OSBP2: variants seen among roughly 807,000 people sequenced by gnomAD.
The protein encoded by OSBP2 is oxysterol-binding protein 2.
OSBP2 carries 66 observed loss-of-function variants against 96.0 expected under a neutral mutation model. The ratio of observed to expected loss-of-function variants is 0.69; its 90% CI spans 0.56 to 0.84. OSBP2 has a LOEUF of 0.84. Among genes scored for constraint, OSBP2 ranks in the 40% least tolerant of loss-of-function variants. The pLI is 0.00. For missense variants in OSBP2, 1,038 were observed against 1,222.7 expected (o/e 0.85, Z 2.25); for synonymous variants, 525 against 520.9 (o/e 1.01, Z -0.11).
chr22:30,728,312 G>A (rs2089686925), intron 1 of OSBP2, among the ~76,000 whole-genome samples: 1 of 151,082 alleles, frequency 6.6e-6, no homozygotes, highest in Non-Finnish European at 1.5e-5. Context: ...GGAGAATGGC[G>A]TGAACCTGGG....
intron 8 of OSBP2, among the ~76,000 whole-genome samples, chr22:30,892,867 C>T (rs1009144164): frequency 2.6e-5 from 4 of 152,168 alleles, no homozygotes; most frequent in Non-Finnish European, 5.9e-5. Context: ...TGAGGTCCAC[C>T]ATCACCCCTA....
chr22:30,857,570 A>G (rs1178203386), intron 2 of OSBP2, among the ~76,000 whole-genome samples: 2 of 152,064 alleles, frequency 1.3e-5, no homozygotes, highest in African/African-American at 2.4e-5. Flanking sequence ...TTATTTTTCT[A>G]CCTCGAACAT....
chr22:30,807,512 A>G (rs2090945111), intron 2 of OSBP2, among the ~76,000 whole-genome samples: 1 of 151,892 alleles, frequency 6.6e-6, no homozygotes, highest in East Asian at 1.9e-4. Flanking sequence ...CTGGCCCACT[A>G]CCACCTCCAG....
chr22:30,754,867 A>G (rs2090121883), intron 2 of OSBP2, among the ~76,000 whole-genome samples: 1 of 152,078 alleles, frequency 6.6e-6, no homozygotes, highest in Admixed American at 6.6e-5. Context: ...GCCCCATCTC[A>G]AAGCCTCCCA....
chr22:30,794,324 C>T (rs1049703908), intron 2 of OSBP2, among the ~76,000 whole-genome samples: 7 of 147,800 alleles, frequency 4.7e-5, no homozygotes, highest in Admixed American at 6.8e-5. Flanking sequence ...TGCAGTGGCA[C>T]GATCTCGACT....
chr22:30,722,787 C>CTTTT (rs34874706), intron 1 of OSBP2, among the ~76,000 whole-genome samples: 1 of 95,892 alleles, frequency 1.0e-5, no homozygotes, highest in African/African-American at 4.1e-5. Context: ...CTCTCTCTGT[C>CTTTT]TTTTTTTTTT....
intron 2 of OSBP2, among the ~76,000 whole-genome samples, chr22:30,816,574 G>T (rs781586953): frequency 6.6e-6 from 1 of 152,200 alleles, no homozygotes; most frequent in Non-Finnish European, 1.5e-5. Flanking sequence ...CCCCGTGCTG[G>T]CTCCAGGGCA....
intron 1 of OSBP2, among the ~76,000 whole-genome samples, chr22:30,699,133 C>T (rs1240506984): frequency 6.6e-6 from 1 of 151,878 alleles, no homozygotes; most frequent in Non-Finnish European, 1.5e-5. Context: ...TTAGTAGACA[C>T]AAGGTTTCGT....
chr22:30,791,083 A>G (rs1324948748), intron 2 of OSBP2, among the ~76,000 whole-genome samples: 1 of 151,800 alleles, frequency 6.6e-6, no homozygotes, highest in Non-Finnish European at 1.5e-5. Context: ...TCCTGGGTTC[A>G]AATGATTCTC....
intron 2 of OSBP2, among the ~76,000 whole-genome samples, chr22:30,830,272 G>A (rs944617736): frequency 2.6e-5 from 4 of 152,196 alleles, no homozygotes; most frequent in African/African-American, 4.8e-5. Flanking sequence ...TCCCTGTGAC[G>A]TGTGTGTTGA....
intron 2 of OSBP2, among the ~76,000 whole-genome samples, chr22:30,832,991 C>G (rs764979635): frequency 9.2e-5 from 14 of 152,198 alleles, no homozygotes; most frequent in Non-Finnish European, 1.9e-4. Context: ...CATAGATACT[C>G]GTGTTCTTTT....
intron 2 of OSBP2, among the ~76,000 whole-genome samples, chr22:30,832,985 G>A (rs1373482888): frequency 6.6e-6 from 1 of 152,200 alleles, no homozygotes; most frequent in East Asian, 1.9e-4. Flanking sequence ...TGTGGCCATA[G>A]ATACTCGTGT....
chr22:30,743,159 A>G (rs779179728), intron 2 of OSBP2, among the ~76,000 whole-genome samples: 2 of 152,146 alleles, frequency 1.3e-5, no homozygotes, highest in Admixed American at 6.5e-5. Context: ...CTCCCAGACT[A>G]TCTTGGAGAC....
intron 2 of OSBP2, among the ~76,000 whole-genome samples, chr22:30,864,115 TGCCCACCAC>T: frequency 6.6e-6 from 1 of 152,008 alleles, no homozygotes; most frequent in Non-Finnish European, 1.5e-5. Flanking sequence ...GGATTACAGG[TGCCCACCAC>T]CATGCCCAGC....
intron 1 of OSBP2, among the ~76,000 whole-genome samples, chr22:30,735,279 A>C (rs541587217): frequency 6.6e-6 from 1 of 152,292 alleles, no homozygotes; most frequent in African/African-American, 2.4e-5. Context: ...GTGACTAGAA[A>C]AACTAATCTG....
intron 12 of OSBP2, among the ~76,000 whole-genome samples, chr22:30,903,364 G>T (rs1206749573): frequency 6.6e-6 from 1 of 152,252 alleles, no homozygotes; most frequent in African/African-American, 2.4e-5. Context: ...ATAAAAATAG[G>T]TGTTGATTCT....
chr22:30,762,604 C>A (rs1239823129), intron 2 of OSBP2, among the ~76,000 whole-genome samples: 1 of 152,228 alleles, frequency 6.6e-6, no homozygotes, highest in Non-Finnish European at 1.5e-5. Flanking sequence ...GCTCTAGACC[C>A]ATCCAGCTTC....
upstream of OSBP2, chr22:30,694,812 G>T (rs2088991646): frequency 5.3e-6 from 3 of 560,942 alleles, no homozygotes; most frequent in Non-Finnish European, 6.8e-6. Flanking sequence ...GCGCGCCCCC[G>T]CCTCGCGCCG....
rs200592324 is a variant in OSBP2, at chr22:30,861,521, C to G, written c.854-8908C>G. ...ACACTGGCGCTCTGGCTTGGGTTTT[C>G]CATCTGCCTGCCAGAGTTTCGTGAT... On this transcript the variant is annotated intron_variant, in intron 2 of 13. Coordinates refer to ENST00000332585, the MANE Select transcript of OSBP2 (RefSeq NM_030758.4). Among the ~76,000 whole-genome samples the G allele has an allele frequency of 2.2e-4, 34 of 152,284 alleles. No individual in the cohort carries two copies. The East Asian group carries it at 6.2e-3, about 28-fold the overall frequency.
Sources: allele counts gnomAD v4.1 joint callset (sites outside exome capture counted in the v4.1 genomes callset), GRCh38; gene constraint gnomAD v4.1.1; transcripts MANE v1.5; gene names NCBI Gene and HGNC (gene_info 2026-07-23, HGNC 2026-07-21).